Variants in ASIC2 observed in about 807,000 individuals in gnomAD.
ASIC2 encodes acid-sensing ion channel 2.
Under a neutral mutation model 57.3 loss-of-function variants are expected in ASIC2, and 25 were observed. The ratio of observed to expected loss-of-function variants is 0.44; its 90% CI spans 0.32 to 0.61. ASIC2 has a LOEUF of 0.61. Ranked by LOEUF, ASIC2 falls within the 20% of genes least tolerant of loss-of-function variation. The pLI is 0.06. For missense variants in ASIC2, 641 were observed against 738.1 expected (o/e 0.87, Z 1.52); for synonymous variants, 319 against 307.5 (o/e 1.04, Z -0.39).
intron 1 of ASIC2, among the ~76,000 whole-genome samples, chr17:33,511,061 G>A (rs1333789341): frequency 6.6e-6 from 1 of 152,126 alleles, no homozygotes; most frequent in Non-Finnish European, 1.5e-5. Context: ...GCTTTTTCAA[G>A]CTACTGCACC....
chr17:33,469,694 G>A (rs764039977), intron 1 of ASIC2, among the ~76,000 whole-genome samples: 2 of 152,132 alleles, frequency 1.3e-5, no homozygotes, highest in Admixed American at 6.5e-5. Context: ...CATAATAATG[G>A]CACCCATACT....
At chr17:34,000,117 CT>C (rs1159451131) in intron 1 of ASIC2, among the ~76,000 whole-genome samples, 1 of 150,596 alleles carries the variant, frequency 6.6e-6, no homozygotes, top group Non-Finnish European at 1.5e-5. Flanking sequence ...TTCAAGTTTT[CT>C]GCTAAGAAAT....
At chr17:33,338,053 A>T (rs931446699) in intron 1 of ASIC2, among the ~76,000 whole-genome samples, 5 of 152,068 alleles carry the variant, frequency 3.3e-5, no homozygotes, top group Non-Finnish European at 7.4e-5. Context: ...AAGAGGATGG[A>T]GATGTTCCTT....
chr17:33,417,149 A>C (rs1910873321), intron 1 of ASIC2, among the ~76,000 whole-genome samples: 1 of 152,180 alleles, frequency 6.6e-6, no homozygotes, highest in South Asian at 2.1e-4. Context: ...AGACTCTAGT[A>C]GGACGCTGGA....
rs184781021 is a variant in ASIC2, at chr17:33,684,403, G to A, written c.555+471575C>T. On this transcript the variant is annotated intron_variant, in intron 1 of 9. Coordinates refer to the ASIC2 transcript ENST00000359872. ...GAAGAAACAACGTTTTAAATATATCGGGCAGCAGAGCAGCTAGATATTAAG... is the reference window on the plus strand; with the variant it reads ...GAAGAAACAACGTTTTAAATATATCAGGCAGCAGAGCAGCTAGATATTAAG... Among the ~76,000 whole-genome samples, 13 of 152,010 alleles carry A rather than the reference G, an allele frequency of 8.6e-5. No individual in the cohort carries two copies. In the East Asian group the frequency reaches 2.1e-3, roughly 25 times the overall value.
At chr17:33,807,302 T>C (rs1912295805) in intron 1 of ASIC2, among the ~76,000 whole-genome samples, 1 of 152,230 alleles carries the variant, frequency 6.6e-6, no homozygotes, top group South Asian at 2.1e-4. Context: ...TGTATGGCTA[T>C]AGGTAGTGGC....
intron 1 of ASIC2, among the ~76,000 whole-genome samples, chr17:34,120,898 C>T (rs1911598668): frequency 6.6e-6 from 1 of 150,480 alleles, no homozygotes; most frequent in Non-Finnish European, 1.5e-5. Context: ...GCCACCACGC[C>T]TGGCTAATTT....
chr17:33,836,865 G>A (rs957360609), intron 1 of ASIC2, among the ~76,000 whole-genome samples: 3 of 151,934 alleles, frequency 2.0e-5, no homozygotes, highest in African/African-American at 7.3e-5. Context: ...AAATAAAAAA[G>A]TTAAGCAGAT....
intron 1 of ASIC2, among the ~76,000 whole-genome samples, chr17:33,766,348 A>T (rs184929034): frequency 1.5e-3 from 227 of 152,300 alleles, no homozygotes; most frequent in African/African-American, 5.3e-3. Flanking sequence ...TTTGGAATGT[A>T]TCCCCTACAG....
rs900847447 is a variant in ASIC2, at chr17:33,767,821, T to C, written c.555+388157A>G. Reference sequence around the variant, plus strand: ...TTATTCTGAAAACTGTTAGTTAAGGTTGTAAACTTTGCTATAGGAGGTGAA... The same window carrying C: ...TTATTCTGAAAACTGTTAGTTAAGGCTGTAAACTTTGCTATAGGAGGTGAA... On this transcript the variant is annotated intron_variant, in intron 1 of 9. Coordinates refer to the ASIC2 transcript ENST00000359872. 2.0e-5 allele frequency among the ~76,000 whole-genome samples: 3 copies of C among 152,336 alleles called. No individual in the cohort carries two copies. In the East Asian group the frequency reaches 5.8e-4, roughly 29 times the overall value.
Position 33,292,609 on chromosome 17 carries a change from C to A in ASIC2, c.-494G>T. The A allele has an allele frequency of 1.0e-6, 1 of 985,624 alleles. No homozygotes were observed. Among genetic ancestry groups the A allele is most frequent in the Non-Finnish European group, 1.2e-6 (1 of 830,098 alleles). 61.1% of individuals were successfully genotyped at this position (985,624 alleles called of 1,614,324 possible). ...GCCTGATCTGGACATCCCCAGGGAC[C>A]CCACCAGCCCGGCCCGTAGCCCAGC... is the stretch of plus-strand genomic sequence containing the variant. On this transcript the variant is annotated 5_prime_UTR_variant, in exon 1 of 10. Coordinates refer to ENST00000225823, the MANE Select transcript of ASIC2 (RefSeq NM_183377.2).
At chr17:33,382,780 T>C (rs1909536173) in intron 1 of ASIC2, among the ~76,000 whole-genome samples, 1 of 152,208 alleles carries the variant, frequency 6.6e-6, no homozygotes, top group Non-Finnish European at 1.5e-5. Context: ...CATGCACCAG[T>C]GGTAAACAAA....
At chr17:33,489,956 A>G (rs73983907) in intron 1 of ASIC2, among the ~76,000 whole-genome samples, 7 of 152,348 alleles carry the variant, frequency 4.6e-5, no homozygotes, top group African/African-American at 1.7e-4. Flanking sequence ...ATCTTAACTG[A>G]ACTACCTATT....
intron 1 of ASIC2, among the ~76,000 whole-genome samples, chr17:33,688,393 A>G (rs1165777666): frequency 6.6e-6 from 1 of 152,148 alleles, no homozygotes; most frequent in Non-Finnish European, 1.5e-5. Flanking sequence ...TTTTTGAATA[A>G]TTTACCTAAG....
intron 2 of ASIC2, among the ~76,000 whole-genome samples, chr17:33,091,941 A>G (rs913631783): frequency 6.6e-6 from 1 of 152,202 alleles, no homozygotes; most frequent in Non-Finnish European, 1.5e-5. Flanking sequence ...AATTAATTAA[A>G]ACTTAAGTTT....
chr17:33,558,987 C>G (rs188002868), intron 1 of ASIC2, among the ~76,000 whole-genome samples: 19 of 152,238 alleles, frequency 1.2e-4, no homozygotes, highest in Admixed American at 7.2e-4. Flanking sequence ...AGGCTGGTCT[C>G]AAACTCCTGA....
chr17:33,479,461 C>T (rs778170726), intron 1 of ASIC2, among the ~76,000 whole-genome samples: 1 of 152,096 alleles, frequency 6.6e-6, no homozygotes, highest in Non-Finnish European at 1.5e-5. Flanking sequence ...GTTTGCCAGA[C>T]CTTGTTTGGA....
chr17:33,098,595 C>T lies in ASIC2; in HGVS notation c.860-9605G>A, dbSNP rs1373817425. On this transcript the variant is annotated intron_variant, in intron 2 of 9. Transcript: ENST00000225823. ...CCAATGGCTGGTGATCCAGGAGATG[C>T]TACCAAGTGTCCACAAGAGTTTGGC... 7.2e-5 allele frequency among the ~76,000 whole-genome samples: 11 copies of T among 152,284 alleles called. No homozygotes were observed. In the South Asian group the frequency reaches 2.1e-3, roughly 29 times the overall value.
intron 1 of ASIC2, among the ~76,000 whole-genome samples, chr17:33,408,239 T>C (rs1314175354): frequency 6.6e-6 from 1 of 152,192 alleles, no homozygotes; most frequent in Non-Finnish European, 1.5e-5. Context: ...TTGTTGCATT[T>C]TGTGGCTTTC....
Sources: allele counts gnomAD v4.1 joint callset (sites outside exome capture counted in the v4.1 genomes callset), GRCh38; gene constraint gnomAD v4.1.1; transcripts MANE v1.5; gene names NCBI Gene and HGNC (gene_info 2026-07-23, HGNC 2026-07-21).